DOP1B: variants seen among roughly 807,000 people sequenced by gnomAD.
DOP1B encodes protein DOP1B.
Under a neutral mutation model 233.5 loss-of-function variants are expected in DOP1B, and 174 were observed. The ratio of observed to expected loss-of-function variants is 0.75; its 90% CI spans 0.66 to 0.85. The LOEUF is 0.85. Among genes scored for constraint, DOP1B ranks in the 40% least tolerant of loss-of-function variants. The probability of loss-of-function intolerance (pLI) is 0.00; values close to 1 mark genes in which losing one functional copy is unlikely to be tolerated. For synonymous variants in DOP1B, 1,190 were observed against 1,185.6 expected (o/e 1.00, Z -0.08); for missense variants, 2,652 against 2,846.6 (o/e 0.93, Z 1.56).
At chr21:36,235,133 G>T (rs189096881) in intron 15 of DOP1B, among the ~76,000 whole-genome samples, 17 of 152,248 alleles carry the variant, frequency 1.1e-4, no homozygotes, top group African/African-American at 4.1e-4. Context: ...TGAGGACAGC[G>T]GCAGCTAGTG....
intron 4 of DOP1B, among the ~76,000 whole-genome samples, chr21:36,206,276 T>TA (rs932949875): frequency 4.6e-5 from 7 of 152,024 alleles, no homozygotes; most frequent in African/African-American, 1.7e-4. Flanking sequence ...CTCACACCTG[T>TA]AGTCCCAGCA....
chr21:36,285,782 A>G (rs1207235131), intron 32 of DOP1B, among the ~76,000 whole-genome samples: 4 of 152,028 alleles, frequency 2.6e-5, no homozygotes, highest in Non-Finnish European at 1.5e-5. Context: ...TGTGGTGGGC[A>G]GGTCACTTGA....
intron 27 of DOP1B, among the ~76,000 whole-genome samples, chr21:36,272,984 C>CAAA (rs1167312513): frequency 3.0e-4 from 17 of 56,906 alleles, no homozygotes; most frequent in Admixed American, 7.6e-4. Flanking sequence ...AACTCCATCT[C>CAAA]AAAAAAAAAA....
Position 36,278,026 on chromosome 21 carries a change from G to T in DOP1B, c.5764G>T (p.Ala1922Ser). 1.2e-6 allele frequency: 2 copies of T among 1,614,064 alleles called. No individual in the cohort carries two copies. Among genetic ancestry groups the T allele is most frequent in the Non-Finnish European group, 1.7e-6 (2 of 1,180,050 alleles). The part of the protein sequence containing the change: ...MVYRSDEKEK[A>S]VPLISRLLYY... ...TTATCGAAGTGATGAGAAGGAGAAAGCTGTGCCGTTAATCTCCCGTCTGCT... is the reference window on the plus strand; with the variant it reads ...TTATCGAAGTGATGAGAAGGAGAAATCTGTGCCGTTAATCTCCCGTCTGCT... Residue 1922 changes from alanine to serine, a missense_variant, in exon 29 of 37, where the codon GCT (alanine) becomes TCT (serine). Around this residue, in one of 3 missense-constraint regions of DOP1B, gnomAD observed 2,617 missense variants for 2,794.3 expected, o/e 0.94. Coordinates refer to ENST00000691173, the MANE Select transcript of DOP1B (RefSeq NM_001320714.2).
intron 13 of DOP1B, among the ~76,000 whole-genome samples, chr21:36,228,680 A>G (rs928042200): frequency 6.6e-6 from 1 of 151,850 alleles, no homozygotes. Flanking sequence ...GCAGGAGAAC[A>G]GCGTGAACCC....
intron 4 of DOP1B, among the ~76,000 whole-genome samples, chr21:36,200,804 C>T (rs2066355418): frequency 6.6e-6 from 1 of 151,316 alleles, no homozygotes; most frequent in East Asian, 1.9e-4. Flanking sequence ...GATCGCACCA[C>T]TGCACTCCAG....
chr21:36,265,019 A>G (rs1218371037), intron 26 of DOP1B, among the ~76,000 whole-genome samples: 2 of 152,196 alleles, frequency 1.3e-5, no homozygotes, highest in East Asian at 3.8e-4. Context: ...TACTACTGCT[A>G]ATCTTTATGA....
chr21:36,274,751 G>A (rs1418664043), intron 27 of DOP1B, among the ~76,000 whole-genome samples: 1 of 152,136 alleles, frequency 6.6e-6, no homozygotes, highest in African/African-American at 2.4e-5. Flanking sequence ...AATGGAGCAA[G>A]GGGAGACAGT....
At chr21:36,169,086 T>G in intron 2 of DOP1B, 1 of 863,734 alleles carries the variant, frequency 1.2e-6, no homozygotes, top group Non-Finnish European at 2.0e-6. Context: ...TCAGTGAACT[T>G]AAGGTCAGTC....
chr21:36,195,461 G>T (rs2066280420), intron 2 of DOP1B, among the ~76,000 whole-genome samples: 1 of 152,130 alleles, frequency 6.6e-6, no homozygotes, highest in Non-Finnish European at 1.5e-5. Flanking sequence ...TTAAGCCTGG[G>T]AGTTAGAGGT....
intron 1 of DOP1B, among the ~76,000 whole-genome samples, chr21:36,163,743 A>G (rs2065887229): frequency 6.6e-6 from 1 of 152,214 alleles, no homozygotes; most frequent in African/African-American, 2.4e-5. Flanking sequence ...TAAACAAATT[A>G]GCTGTTATGT....
chr21:36,277,466 A>G (rs1221312786), intron 28 of DOP1B, among the ~76,000 whole-genome samples: 2 of 151,434 alleles, frequency 1.3e-5, no homozygotes, highest in African/African-American at 4.9e-5. Context: ...GTATTTTAGT[A>G]GAGACGGGGT....
At chr21:36,192,655 A>G (rs1302148700) in intron 2 of DOP1B, among the ~76,000 whole-genome samples, 1 of 150,074 alleles carries the variant, frequency 6.7e-6, no homozygotes, top group Non-Finnish European at 1.5e-5. Context: ...GAGTGCTGGG[A>G]TTACAGGTGT....
chr21:36,241,608 A>G (rs1181209693), intron 18 of DOP1B, among the ~76,000 whole-genome samples: 1 of 144,484 alleles, frequency 6.9e-6, no homozygotes, highest in Non-Finnish European at 1.5e-5. Context: ...TCCCGGGTTC[A>G]AGTGATTCTC....
At chr21:36,276,155 G>A (rs958673439) in intron 27 of DOP1B, among the ~76,000 whole-genome samples, 1 of 152,086 alleles carries the variant, frequency 6.6e-6, no homozygotes, top group Non-Finnish European at 1.5e-5. Context: ...TTTCAAGAAC[G>A]ATGATGAGAA....
At chr21:36,180,988 A>G (rs941725553) in intron 2 of DOP1B, among the ~76,000 whole-genome samples, 2 of 152,070 alleles carry the variant, frequency 1.3e-5, no homozygotes, top group Admixed American at 6.6e-5. Context: ...TGTTTTTGCT[A>G]TTGTGAATGG....
chr21:36,236,838 A>G (rs1415844114), intron 15 of DOP1B, among the ~76,000 whole-genome samples: 2 of 133,382 alleles, frequency 1.5e-5, no homozygotes, highest in African/African-American at 5.8e-5. Flanking sequence ...GTGTAGTTGC[A>G]TGATCTCAGG....
intron 18 of DOP1B, among the ~76,000 whole-genome samples, chr21:36,243,617 A>T (rs950323134): frequency 2.6e-5 from 4 of 151,792 alleles, no homozygotes; most frequent in Non-Finnish European, 5.9e-5. Flanking sequence ...TGTATTATAC[A>T]TACTCTCTCC....
rs144316327 is a variant in DOP1B at position 36,188,083 on chromosome 21, C to G, written c.139-10987C>G. ...TGGAGTTAGCCTGAGTGACCCATTC[C>G]TTGCTAGCAGCTTTATTGGAAGCTG... On this transcript the variant is annotated intron_variant, in intron 2 of 36. Transcript: ENST00000691173. 2.6e-5 allele frequency among the ~76,000 whole-genome samples: 4 copies of G among 152,276 alleles called. No individual in the cohort carries two copies. The East Asian group carries it at 5.8e-4, about 22-fold the overall frequency.
Sources: gnomAD v4.1 joint callset for allele counts (sites outside exome capture counted in the v4.1 genomes callset) on GRCh38, gnomAD v4.1.1 for gene constraint, gnomAD v4.1.1 regional missense constraint, MANE v1.5 for transcripts, NCBI Gene and HGNC (gene_info 2026-07-23, HGNC 2026-07-21) for gene names.